TAFA1: variants seen among roughly 807,000 people sequenced by gnomAD.
TAFA1 encodes TAFA chemokine like family member 1.
TAFA1 carries 4 observed loss-of-function variants against 18.5 expected under a neutral mutation model. That is an observed-to-expected ratio of 0.22 (90% confidence interval 0.11 to 0.49). The LOEUF (loss-of-function observed/expected upper bound fraction) is 0.49. Among genes scored for constraint, TAFA1 ranks in the 20% least tolerant of loss-of-function variants. TAFA1 has a pLI of 0.98. For missense variants in TAFA1, 147 were observed against 169.0 expected (o/e 0.87, Z 0.72); for synonymous variants, 56 against 55.2 (o/e 1.01, Z -0.06).
At chr3:68,086,513 ACTTATT>A (rs924954794) in intron 2 of TAFA1, among the ~76,000 whole-genome samples, 4 of 152,186 alleles carry the variant, frequency 2.6e-5, no homozygotes, top group African/African-American at 9.7e-5. Flanking sequence ...TTGCATTTTC[ACTTATT>A]CTTATAAACT....
chr3:68,394,441 G>GA (rs911863135), intron 2 of TAFA1, among the ~76,000 whole-genome samples: 18 of 151,450 alleles, frequency 1.2e-4, no homozygotes, highest in African/African-American at 3.6e-4. Context: ...CACAGAATAA[G>GA]AAAAAAAACT....
intron 2 of TAFA1, among the ~76,000 whole-genome samples, chr3:68,292,982 C>A (rs907686556): frequency 6.6e-6 from 1 of 152,086 alleles, no homozygotes; most frequent in East Asian, 1.9e-4. Context: ...CTCATGAATT[C>A]TCAAAAGCTA....
chr3:68,306,339 C>G (rs945029430), intron 2 of TAFA1, among the ~76,000 whole-genome samples: 42 of 152,280 alleles, frequency 2.8e-4, no homozygotes, highest in Admixed American at 2.5e-3. Flanking sequence ...TAACACGTCT[C>G]TCTTTGGGTT....
chr3:68,151,446 T>C (rs1172303406), intron 2 of TAFA1, among the ~76,000 whole-genome samples: 1 of 152,166 alleles, frequency 6.6e-6, no homozygotes, highest in African/African-American at 2.4e-5. Flanking sequence ...TGTAATAGAA[T>C]ACACCAGACT....
intron 2 of TAFA1, among the ~76,000 whole-genome samples, chr3:68,390,490 A>G (rs966800641): frequency 4.6e-5 from 7 of 152,322 alleles, no homozygotes; most frequent in African/African-American, 1.7e-4. Flanking sequence ...CTCTCAGCAC[A>G]GCACTTGAGC....
intron 2 of TAFA1, among the ~76,000 whole-genome samples, chr3:68,197,201 T>C (rs2107028984): frequency 6.6e-6 from 1 of 151,856 alleles, no homozygotes; most frequent in Admixed American, 6.6e-5. Context: ...CCAATACAGG[T>C]TTATTTAGAA....
At chr3:68,078,538 C>T (rs1008468286) in intron 2 of TAFA1, among the ~76,000 whole-genome samples, 8 of 152,118 alleles carry the variant, frequency 5.3e-5, no homozygotes, top group African/African-American at 1.2e-4. Context: ...TGAATTTTGT[C>T]AGAGGCCTTT....
chr3:68,065,671 A>G (rs920779739), intron 2 of TAFA1, among the ~76,000 whole-genome samples: 5 of 151,932 alleles, frequency 3.3e-5, no homozygotes, highest in East Asian at 1.9e-4. Context: ...GTATATATAC[A>G]TAGGTAGATA....
chr3:68,410,526 C>T (rs1371474240), intron 2 of TAFA1, among the ~76,000 whole-genome samples: 1 of 151,704 alleles, frequency 6.6e-6, no homozygotes, highest in African/African-American at 2.4e-5. Context: ...ATGTTTTCTG[C>T]AGATTAACTG....
chr3:68,508,864 A>G (rs1438360468), intron 3 of TAFA1, among the ~76,000 whole-genome samples: 4 of 152,048 alleles, frequency 2.6e-5, no homozygotes, highest in East Asian at 3.9e-4. Flanking sequence ...AGTGATCACT[A>G]GAAGAAGATG....
intron 2 of TAFA1, among the ~76,000 whole-genome samples, chr3:68,277,656 T>C (rs918745890): frequency 6.6e-6 from 1 of 152,168 alleles, no homozygotes; most frequent in Non-Finnish European, 1.5e-5. Context: ...CAAACTTACA[T>C]TGAGTTAAAA....
chr3:68,120,332 C>T (rs1281209428), intron 2 of TAFA1, among the ~76,000 whole-genome samples: 1 of 151,734 alleles, frequency 6.6e-6, no homozygotes, highest in African/African-American at 2.4e-5. Flanking sequence ...TCACTACAAC[C>T]TCTGCCTCCT....
At chr3:68,131,073 T>C (rs901873442) in intron 2 of TAFA1, among the ~76,000 whole-genome samples, 4 of 152,318 alleles carry the variant, frequency 2.6e-5, no homozygotes, top group African/African-American at 7.2e-5. Flanking sequence ...TGGGCTCTTA[T>C]TAAATATTTT....
At chr3:68,250,424 T>C (rs2067170701) in intron 2 of TAFA1, among the ~76,000 whole-genome samples, 1 of 152,196 alleles carries the variant, frequency 6.6e-6, no homozygotes, top group Non-Finnish European at 1.5e-5. Flanking sequence ...ATTAGGAGTT[T>C]AGAAACTAAA....
intron 3 of TAFA1, among the ~76,000 whole-genome samples, chr3:68,423,069 A>T (rs546502944): frequency 6.6e-6 from 1 of 152,200 alleles, no homozygotes; most frequent in Admixed American, 6.6e-5. Context: ...AAACAAAAAT[A>T]AATTTCTGGA....
intron 2 of TAFA1, among the ~76,000 whole-genome samples, chr3:68,012,502 C>T (rs919602927): frequency 2.0e-5 from 3 of 152,092 alleles, no homozygotes; most frequent in African/African-American, 7.2e-5. Context: ...GAATACTCTG[C>T]TTCAAAATAA....
intron 2 of TAFA1, among the ~76,000 whole-genome samples, chr3:68,149,763 A>G (rs1245899996): frequency 6.6e-6 from 1 of 152,224 alleles, no homozygotes; most frequent in Non-Finnish European, 1.5e-5. Context: ...TCAAAACTTT[A>G]GCAGAGTCTT....
At chr3:68,279,573 G>C (rs2067860806) in intron 2 of TAFA1, among the ~76,000 whole-genome samples, 1 of 151,976 alleles carries the variant, frequency 6.6e-6, no homozygotes, top group African/African-American at 2.4e-5. Flanking sequence ...TCACTACTAT[G>C]GGAAGTCAGG....
At chr3:68,208,588 T>C (rs1429787246) in intron 2 of TAFA1, among the ~76,000 whole-genome samples, 1 of 151,936 alleles carries the variant, frequency 6.6e-6, no homozygotes, top group Non-Finnish European at 1.5e-5. Context: ...TGAACCAAAC[T>C]CAGATCCAGC....
Sources: gnomAD v4.1 joint callset for allele counts (sites outside exome capture counted in the v4.1 genomes callset) on GRCh38, gnomAD v4.1.1 for gene constraint, MANE v1.5 for transcripts, NCBI Gene and HGNC (gene_info 2026-07-23, HGNC 2026-07-21) for gene names.